The following NREP variants were observed in gnomAD, a reference collection of about 807,000 sequenced individuals.
The protein encoded by NREP is neuronal regeneration related protein.
A neutral mutation model predicts 8.6 loss-of-function variants in NREP; 5 were observed. The ratio of observed to expected loss-of-function variants is 0.58; its 90% CI spans 0.30 to 1.22. The LOEUF (loss-of-function observed/expected upper bound fraction) is 1.22. Among genes scored for constraint, NREP ranks in the 50% most tolerant of loss-of-function variants. The probability of loss-of-function intolerance (pLI) is 0.07; values close to 1 mark genes in which losing one functional copy is unlikely to be tolerated. For missense variants in NREP, 86 were observed against 82.5 expected, an observed-to-expected ratio of 1.04 and a Z score of -0.17; for synonymous variants, 27 against 28.0, an observed-to-expected ratio of 0.96 and a Z score of 0.11.
At chr5:111,797,686 C>T (rs1415781831) in intron 2 of NREP, among the ~76,000 whole-genome samples, 1 of 152,076 alleles carries the variant, frequency 6.6e-6, no homozygotes, top group Non-Finnish European at 1.5e-5. Flanking sequence ...ATGAAATGAG[C>T]CCGCTAAACA....
At chr5:111,964,559 G>T (rs927991051) in intron 2 of NREP, among the ~76,000 whole-genome samples, 1 of 151,882 alleles carries the variant, frequency 6.6e-6, no homozygotes, top group African/African-American at 2.4e-5. Context: ...TAGTAGAGGT[G>T]GGGTTTGCCC....
At chr5:111,962,056 G>A (rs2112654724) in intron 2 of NREP, among the ~76,000 whole-genome samples, 1 of 152,272 alleles carries the variant, frequency 6.6e-6, no homozygotes, top group East Asian at 1.9e-4. Context: ...GGAGGAGGCA[G>A]GATTCGTGCT....
intron 2 of NREP, among the ~76,000 whole-genome samples, chr5:111,844,957 T>C (rs998575501): frequency 6.6e-6 from 1 of 151,876 alleles, no homozygotes; most frequent in African/African-American, 2.4e-5. Context: ...ATATTATATA[T>C]ATAAAGCCTG....
chr5:111,898,273 G>T (rs1449464467), intron 2 of NREP, among the ~76,000 whole-genome samples: 1 of 152,098 alleles, frequency 6.6e-6, no homozygotes, highest in African/African-American at 2.4e-5. Flanking sequence ...AAGAGATAAA[G>T]ATGAATTGGA....
chr5:111,895,706 G>A (rs1470774133), intron 2 of NREP, among the ~76,000 whole-genome samples: 1 of 152,126 alleles, frequency 6.6e-6, no homozygotes, highest in Non-Finnish European at 1.5e-5. Context: ...CCTGTATCTT[G>A]TAAGATATTT....
intron 2 of NREP, among the ~76,000 whole-genome samples, chr5:111,871,874 A>G (rs1173171964): frequency 6.7e-6 from 1 of 148,304 alleles, no homozygotes; most frequent in African/African-American, 2.5e-5. Flanking sequence ...TTATATATAT[A>G]TGAAAATCTC....
At chr5:111,871,890 A>G (rs1242878476) in intron 2 of NREP, among the ~76,000 whole-genome samples, 3 of 149,122 alleles carry the variant, frequency 2.0e-5, no homozygotes, top group African/African-American at 4.9e-5. Flanking sequence ...ATCTCGTTCT[A>G]TATAGCATAA....
chr5:111,745,370 T>TAGTA (rs1297692110), intron 2 of NREP, among the ~76,000 whole-genome samples: 1 of 152,210 alleles, frequency 6.6e-6, no homozygotes, highest in African/African-American at 2.4e-5. Flanking sequence ...ACATTAAGAC[T>TAGTA]TTGGATCTAA....
At chr5:111,937,756 G>A (rs1755722995) in intron 2 of NREP, among the ~76,000 whole-genome samples, 1 of 151,962 alleles carries the variant, frequency 6.6e-6, no homozygotes, top group Non-Finnish European at 1.5e-5. Context: ...TCTTGTACCA[G>A]ATCCTTCCCT....
chr5:111,946,611 G>C (rs1172581406), intron 2 of NREP, among the ~76,000 whole-genome samples: 1 of 151,872 alleles, frequency 6.6e-6, no homozygotes, highest in Non-Finnish European at 1.5e-5. Flanking sequence ...TGTAAAGAAA[G>C]CCCAGGGACG....
intron 2 of NREP, among the ~76,000 whole-genome samples, chr5:111,836,674 A>C (rs1752902827): frequency 6.6e-6 from 1 of 151,930 alleles, no homozygotes; most frequent in African/African-American, 2.4e-5. Context: ...AGCATTCTAA[A>C]TTTTCTTATA....
chr5:111,871,500 T>G (rs1753790182), intron 2 of NREP, among the ~76,000 whole-genome samples: 3 of 152,112 alleles, frequency 2.0e-5, no homozygotes, highest in Admixed American at 6.6e-5. Context: ...ACTAAATATA[T>G]TTTTTAAAAT....
intron 2 of NREP, among the ~76,000 whole-genome samples, chr5:111,973,642 G>A (rs916063521): frequency 3.3e-5 from 5 of 152,116 alleles, no homozygotes; most frequent in African/African-American, 1.2e-4. Context: ...TGCTGTTTTT[G>A]CTAACTAGAA....
chr5:111,865,396 A>C (rs57227445), intron 2 of NREP, among the ~76,000 whole-genome samples: 21,917 of 152,130 alleles, frequency 0.14, 3,070 homozygotes, highest in African/African-American at 0.36. Flanking sequence ...CATTGAAAAT[A>C]CATGGGAGGG....
chr5:111,934,785 C>G (rs567783767), intron 2 of NREP, among the ~76,000 whole-genome samples: 1 of 152,044 alleles, frequency 6.6e-6, no homozygotes, highest in Non-Finnish European at 1.5e-5. Flanking sequence ...AGCAGCCTGG[C>G]GGCAACAAGC....
chr5:111,812,688 A>G (rs1319283048), intron 2 of NREP, among the ~76,000 whole-genome samples: 2 of 152,136 alleles, frequency 1.3e-5, no homozygotes, highest in Non-Finnish European at 2.9e-5. Context: ...CTACACCTTC[A>G]TTCCCAGATT....
chr5:111,942,909 A>G (rs549776911), intron 2 of NREP, among the ~76,000 whole-genome samples: 2 of 152,184 alleles, frequency 1.3e-5, no homozygotes, highest in South Asian at 2.1e-4. Context: ...TCTAGTAATT[A>G]TATTGTAAGG....
chr5:111,895,733 C>A (rs186697763), intron 2 of NREP, among the ~76,000 whole-genome samples: 1 of 152,218 alleles, frequency 6.6e-6, no homozygotes, highest in Admixed American at 6.5e-5. Flanking sequence ...ATTCCTTAGC[C>A]TCTACCCAAT....
At chr5:111,745,147 A>C (rs1028866056) in intron 2 of NREP, among the ~76,000 whole-genome samples, 4 of 152,176 alleles carry the variant, frequency 2.6e-5, no homozygotes, top group African/African-American at 9.6e-5. Flanking sequence ...ACAAGGAAGA[A>C]ATAAACCCAA....
Sources: allele counts gnomAD v4.1 joint callset (sites outside exome capture counted in the v4.1 genomes callset), GRCh38; gene constraint gnomAD v4.1.1; transcripts MANE v1.5; gene names NCBI Gene and HGNC (gene_info 2026-07-23, HGNC 2026-07-21).